Variants in HS6ST3 observed in about 807,000 individuals in gnomAD.
HS6ST3 encodes heparan-sulfate 6-O-sulfotransferase 3.
In HS6ST3, 12 loss-of-function variants were observed where a neutral mutation model predicts 36.7. The observed-to-expected ratio is 0.33, with a 90% confidence interval of 0.21 to 0.53. The LOEUF is 0.53. Ranked by LOEUF, HS6ST3 falls within the 20% of genes least tolerant of loss-of-function variation. The pLI is 0.95. For synonymous variants in HS6ST3, 240 were observed against 257.5 expected (o/e 0.93, Z 0.65); for missense variants, 584 against 640.9 (o/e 0.91, Z 0.96).
rs1489342954 is a variant in HS6ST3, at chr13:96,349,556, G to A, written c.707+257987G>A. Among the ~76,000 whole-genome samples the A allele has an allele frequency of 2.6e-5, 4 of 152,180 alleles. No homozygotes were observed. In the East Asian group the frequency reaches 5.8e-4, roughly 22 times the overall value. On this transcript the variant is annotated intron_variant, in intron 1 of 1. Coordinates refer to ENST00000376705, the MANE Select transcript of HS6ST3 (RefSeq NM_153456.4). The stretch of plus-strand genomic sequence containing the variant: ...CAACCTCATGAAGATTCAGAGTATA[G>A]GGATTCACTTCGCTTCTGAAAGTGT...
At chr13:96,274,530 T>G (rs1488573250) in intron 1 of HS6ST3, among the ~76,000 whole-genome samples, 1 of 152,106 alleles carries the variant, frequency 6.6e-6, no homozygotes, top group Non-Finnish European at 1.5e-5. Context: ...GGAACTTTTC[T>G]TGAGTTATTG....
intron 1 of HS6ST3, among the ~76,000 whole-genome samples, chr13:96,460,682 C>T (rs1469998554): frequency 6.6e-6 from 1 of 152,154 alleles, no homozygotes; most frequent in East Asian, 1.9e-4. Flanking sequence ...TAATAGTAAA[C>T]TGTGGGAGGC....
chr13:96,561,917 AC>A (rs2056263828), intron 1 of HS6ST3, among the ~76,000 whole-genome samples: 1 of 152,204 alleles, frequency 6.6e-6, no homozygotes, highest in Non-Finnish European at 1.5e-5. Flanking sequence ...GAATGCTTAC[AC>A]AGTGTTGGTG....
intron 1 of HS6ST3, among the ~76,000 whole-genome samples, chr13:96,329,381 G>T: frequency 8.4e-6 from 1 of 118,690 alleles, no homozygotes; most frequent in Non-Finnish European, 1.7e-5. Context: ...GGTATGTTGT[G>T]TCTTTGTTCT....
At chr13:96,753,012 G>A (rs1050272560) in intron 1 of HS6ST3, among the ~76,000 whole-genome samples, 5 of 152,160 alleles carry the variant, frequency 3.3e-5, no homozygotes, top group African/African-American at 1.2e-4. Flanking sequence ...CCTAGAGCAT[G>A]TTTTTGAAGA....
chr13:96,620,294 T>G (rs2056489599), intron 1 of HS6ST3, among the ~76,000 whole-genome samples: 1 of 152,210 alleles, frequency 6.6e-6, no homozygotes, highest in South Asian at 2.1e-4. Flanking sequence ...AATTGACTGT[T>G]TTTTAAAAAT....
chr13:96,461,903 G>C (rs1217310016), intron 1 of HS6ST3, among the ~76,000 whole-genome samples: 2 of 152,112 alleles, frequency 1.3e-5, no homozygotes, highest in African/African-American at 4.8e-5. Context: ...TCATGAATGG[G>C]GATATGGATA....
At chr13:96,232,697 C>T (rs1156983137) in intron 1 of HS6ST3, among the ~76,000 whole-genome samples, 1 of 152,074 alleles carries the variant, frequency 6.6e-6, no homozygotes, top group Non-Finnish European at 1.5e-5. Context: ...GAATCAGGTG[C>T]AACCAGGGAA....
intron 1 of HS6ST3, among the ~76,000 whole-genome samples, chr13:96,512,693 T>A (rs182517641): frequency 6.6e-6 from 1 of 152,334 alleles, no homozygotes; most frequent in Non-Finnish European, 1.5e-5. Context: ...TAGTTCATTG[T>A]TGTAGAAAAA....
chr13:96,396,075 A>G (rs1395828134), intron 1 of HS6ST3, among the ~76,000 whole-genome samples: 1 of 152,048 alleles, frequency 6.6e-6, no homozygotes. Flanking sequence ...GCACTTTGGG[A>G]GGCAGAGGTG....
chr13:96,141,302 A>G (rs2054030961), intron 1 of HS6ST3, among the ~76,000 whole-genome samples: 1 of 152,122 alleles, frequency 6.6e-6, no homozygotes, highest in Non-Finnish European at 1.5e-5. Flanking sequence ...GGTTCCAAAG[A>G]TGCTTTATTC....
In HS6ST3 at chr13:96,464,019, G is replaced by GTT. The variant is rs66703746; in HGVS notation, c.708-368448_708-368447dup. On this transcript the variant is annotated intron_variant, in intron 1 of 1. Coordinates refer to ENST00000376705, the MANE Select transcript of HS6ST3 (RefSeq NM_153456.4). The stretch of plus-strand genomic sequence containing the variant: ...TCTGTCCCATTAGTCCCATAGACAG[G>GTT]TTTTTTTTTTTTTTTTTTTTTTTTA... Among the ~76,000 whole-genome samples the GTT allele has an allele frequency of 2.6e-3, 335 of 127,364 alleles. 3 individuals are homozygous for GTT. The highest frequency in any genetic ancestry group is 9.8e-3 in the African/African-American group (303 of 30,970). The allele number at this position is 127,364 out of a possible 152,430, so 83.6% of individuals were successfully genotyped here.
intron 1 of HS6ST3, among the ~76,000 whole-genome samples, chr13:96,251,979 C>T (rs1365546397): frequency 6.6e-6 from 1 of 152,058 alleles, no homozygotes; most frequent in Non-Finnish European, 1.5e-5. Context: ...TATAATCTAT[C>T]CCAGGGAATG....
At chr13:96,163,162 G>A (rs1322126968) in intron 1 of HS6ST3, among the ~76,000 whole-genome samples, 3 of 149,110 alleles carry the variant, frequency 2.0e-5, no homozygotes. Context: ...CAGTGGGTAT[G>A]TAAGTACAAT....
At chr13:96,407,440 T>C (rs148964330) in intron 1 of HS6ST3, among the ~76,000 whole-genome samples, 1 of 152,334 alleles carries the variant, frequency 6.6e-6, no homozygotes, top group East Asian at 1.9e-4. Context: ...ATAATAATAG[T>C]ATCTACCTTA....
At chr13:96,141,174 G>A (rs1463433945) in intron 1 of HS6ST3, among the ~76,000 whole-genome samples, 1 of 152,110 alleles carries the variant, frequency 6.6e-6, no homozygotes, top group East Asian at 1.9e-4. Context: ...TTTGTGATGA[G>A]GACCGAATTT....
chr13:96,413,358 A>G (rs1165509474), intron 1 of HS6ST3, among the ~76,000 whole-genome samples: 1 of 152,244 alleles, frequency 6.6e-6, no homozygotes, highest in African/African-American at 2.4e-5. Flanking sequence ...TGAACAGACT[A>G]AAGCAAATTA....
chr13:96,502,888 T>A (rs2056010944), intron 1 of HS6ST3, among the ~76,000 whole-genome samples: 1 of 152,190 alleles, frequency 6.6e-6, no homozygotes, highest in Admixed American at 6.5e-5. Flanking sequence ...AACCATGATT[T>A]GACCAAGAAA....
At chr13:96,652,140 TG>T (rs1186225512) in intron 1 of HS6ST3, among the ~76,000 whole-genome samples, 2 of 152,058 alleles carry the variant, frequency 1.3e-5, no homozygotes, top group Non-Finnish European at 2.9e-5. Context: ...TATACTGTAT[TG>T]TTTCTACTAC....
Sources: allele counts gnomAD v4.1 joint callset (sites outside exome capture counted in the v4.1 genomes callset), GRCh38; gene constraint gnomAD v4.1.1; transcripts MANE v1.5; gene names NCBI Gene and HGNC (gene_info 2026-07-23, HGNC 2026-07-21).